The following ERC2 variants were observed in gnomAD, a reference collection of about 807,000 sequenced individuals.
ERC2 encodes ELKS/RAB6-interacting/CAST family member 2, also known as ERC protein 2.
Under a neutral mutation model 114.8 loss-of-function variants are expected in ERC2, and 42 were observed. That is an observed-to-expected ratio of 0.37 (90% CI 0.29 to 0.47). The LOEUF (loss-of-function observed/expected upper bound fraction) is 0.47, where lower values mean the gene tolerates loss of function less well. ERC2 is among the 20% of genes least tolerant of loss of function. The pLI is 0.99. For synonymous variants in ERC2, 454 were observed against 425.5 expected (o/e 1.07, Z -0.82); for missense variants, 939 against 1,150.7 (o/e 0.82, Z 2.66).
At chr3:56,286,444 G>T (rs1009445274) in intron 3 of ERC2, among the ~76,000 whole-genome samples, 54 of 114,526 alleles carry the variant, frequency 4.7e-4, no homozygotes, top group African/African-American at 1.6e-3. Flanking sequence ...AAAAAAGGCA[G>T]AAAAAAATAC....
intron 17 of ERC2, among the ~76,000 whole-genome samples, chr3:55,550,023 A>G (rs2107407784): frequency 6.6e-6 from 1 of 151,614 alleles, no homozygotes; most frequent in South Asian, 2.1e-4. Flanking sequence ...TTCTTACTGC[A>G]CATTGTCTGG....
At chr3:56,373,264 G>C (rs2059420310) in intron 2 of ERC2, among the ~76,000 whole-genome samples, 1 of 152,102 alleles carries the variant, frequency 6.6e-6, no homozygotes, top group African/African-American at 2.4e-5. Context: ...TCACATGAAA[G>C]CCAGGCCGAT....
chr3:55,876,416 T>C (rs754271238), intron 14 of ERC2, among the ~76,000 whole-genome samples: 4 of 152,218 alleles, frequency 2.6e-5, no homozygotes, highest in Admixed American at 1.3e-4. Context: ...GGCCCTGCGC[T>C]GTGTTCTCAC....
chr3:55,519,205 C>T (rs1348533504), intron 17 of ERC2, among the ~76,000 whole-genome samples: 1 of 152,212 alleles, frequency 6.6e-6, no homozygotes, highest in Non-Finnish European at 1.5e-5. Context: ...AACAAATATC[C>T]TAAGCCTGTG....
chr3:56,078,867 A>T (rs1482060681), intron 7 of ERC2, among the ~76,000 whole-genome samples: 1 of 149,206 alleles, frequency 6.7e-6, no homozygotes, highest in Non-Finnish European at 1.5e-5. Flanking sequence ...TTTATATTAT[A>T]TAAATTTTAA....
chr3:56,278,078 G>A (rs2054119978), intron 3 of ERC2, among the ~76,000 whole-genome samples: 1 of 152,220 alleles, frequency 6.6e-6, no homozygotes, highest in Non-Finnish European at 1.5e-5. Context: ...GATTAAAGGA[G>A]TTACTACATA....
chr3:56,449,765 A>G (rs1221471763), intron 1 of ERC2, among the ~76,000 whole-genome samples: 2 of 152,230 alleles, frequency 1.3e-5, no homozygotes, highest in East Asian at 3.8e-4. Flanking sequence ...ATGATATAAG[A>G]AAGTACTTAG....
At chr3:55,690,161 C>T (rs777336545) in intron 16 of ERC2, among the ~76,000 whole-genome samples, 2 of 152,062 alleles carry the variant, frequency 1.3e-5, no homozygotes, top group African/African-American at 4.8e-5. Flanking sequence ...TTTTAAAATG[C>T]TATTGGTCTG....
intron 2 of ERC2, among the ~76,000 whole-genome samples, chr3:56,431,852 C>T (rs778504392): frequency 3.9e-5 from 6 of 152,166 alleles, no homozygotes; most frequent in Non-Finnish European, 8.8e-5. Context: ...CTAGAGCTTT[C>T]ACTGAGTCAT....
At chr3:55,956,889 C>G (rs1296466468) in intron 12 of ERC2, among the ~76,000 whole-genome samples, 1 of 152,102 alleles carries the variant, frequency 6.6e-6, no homozygotes, top group East Asian at 1.9e-4. Context: ...ATGGTCCTTG[C>G]TCCCCTGAGG....
chr3:56,272,909 A>G (rs1208615886), intron 3 of ERC2, among the ~76,000 whole-genome samples: 2 of 152,268 alleles, frequency 1.3e-5, no homozygotes, highest in Non-Finnish European at 2.9e-5. Context: ...TCCAATAAGC[A>G]AAGTCCTGAA....
intron 17 of ERC2, among the ~76,000 whole-genome samples, chr3:55,521,238 A>T (rs1021263064): frequency 1.3e-5 from 2 of 151,950 alleles, no homozygotes; most frequent in African/African-American, 4.8e-5. Flanking sequence ...TCCAGGCGAG[A>T]CCTCCCTTTC....
At position 55,585,462 on chromosome 3, in the gene ERC2, G is replaced by T. The variant is rs547249458; in HGVS notation, c.*40-74186C>A. On this transcript the variant is annotated intron_variant, in intron 17 of 17. Transcript: ENST00000288221. ...CAGTTGTGACCTCAAGTGGCTGCTG[G>T]TTCCATAATAATCCAACTAACAGTC... Among the ~76,000 whole-genome samples the T allele has an allele frequency of 2.8e-4, 43 of 152,274 alleles. 1 individual carries two copies. The highest frequency in any genetic ancestry group is 2.9e-4 in the Non-Finnish European group (20 of 68,016).
At position 55,571,186 on chromosome 3, in the gene ERC2, A is replaced by T. The variant is rs544604261; in HGVS notation, c.*40-59910T>A. 4.0e-5 allele frequency among the ~76,000 whole-genome samples: 6 copies of T among 151,288 alleles called. No homozygotes were observed. In the South Asian group the frequency reaches 1.3e-3, roughly 32 times the overall value. ...TGTCTTCTTCCCTACTGGTTAGAAA[A>T]CTCTATGATGACAAGAATCGGGTCT... is the stretch of plus-strand genomic sequence containing the variant. On this transcript the variant is annotated intron_variant, in intron 17 of 17. Coordinates refer to ENST00000288221, the MANE Select transcript of ERC2 (RefSeq NM_015576.3).
chr3:55,523,713 T>C (rs1396042996), intron 17 of ERC2, among the ~76,000 whole-genome samples: 7 of 152,222 alleles, frequency 4.6e-5, no homozygotes, highest in Non-Finnish European at 8.8e-5. Flanking sequence ...TTTCTTGTGT[T>C]CCTGCCACAC....
chr3:56,410,587 G>T (rs1237886725), intron 2 of ERC2, among the ~76,000 whole-genome samples: 10 of 152,168 alleles, frequency 6.6e-5, no homozygotes, highest in African/African-American at 2.4e-4. Context: ...GTGATGTCAA[G>T]AATTTTGAGT....
chr3:56,296,053 T>C lies in ERC2; in HGVS notation c.1040A>G (p.Asp347Gly), dbSNP rs749319826. ...SQVSHLEVIL[D>G]QKEKENIHLR... ...ATGTATGTTTTCCTTCTCTTTCTGA[T>C]CTAAAATCACTTCCAAGTGGCTGAC... is the stretch of plus-strand genomic sequence containing the variant. The change falls in exon 3 of 18, where the codon GAT becomes GGT. Residue 347 changes from aspartate to glycine, a missense_variant. By Grantham distance (94) the Asp-to-Gly change is moderately conservative. This residue lies in a region of ERC2 where 148 missense variants were observed against 159.1 expected (regional missense o/e 0.93). Coordinates refer to ENST00000288221, the MANE Select transcript of ERC2 (RefSeq NM_015576.3). 2.6e-5 allele frequency: 41 copies of C among 1,605,388 alleles called. 1 individual carries two copies. The South Asian group carries it at 4.5e-4, about 18-fold the overall frequency.
chr3:55,703,687 A>T (rs1223836754), intron 15 of ERC2, among the ~76,000 whole-genome samples: 3 of 152,236 alleles, frequency 2.0e-5, no homozygotes, highest in Non-Finnish European at 4.4e-5. Flanking sequence ...ATGAGTGTAA[A>T]AATGGATGGA....
At chr3:55,643,230 A>T (rs981115799) in intron 17 of ERC2, among the ~76,000 whole-genome samples, 1 of 152,092 alleles carries the variant, frequency 6.6e-6, no homozygotes, top group African/African-American at 2.4e-5. Flanking sequence ...GCAACTTAAA[A>T]TTTTTTTTAA....
Sources: allele counts gnomAD v4.1 joint callset (sites outside exome capture counted in the v4.1 genomes callset), GRCh38; gene constraint gnomAD v4.1.1; regional missense constraint gnomAD v4.1.1; transcripts MANE v1.5; gene names NCBI Gene and HGNC (gene_info 2026-07-23, HGNC 2026-07-21).